Variants in CCT2 observed in about 807,000 individuals in gnomAD.
CCT2 encodes the protein chaperonin containing TCP1 subunit 2.
CCT2 carries 18 observed loss-of-function variants against 61.8 expected under a neutral mutation model. The observed-to-expected ratio is 0.29, with a 90% confidence interval of 0.20 to 0.43. The LOEUF is 0.43. Ranked by LOEUF, CCT2 falls within the 20% of genes least tolerant of loss-of-function variation. CCT2 has a pLI of 1.00. For missense variants in CCT2, 556 were observed against 656.9 expected, an observed-to-expected ratio of 0.85 and a Z score of 1.68; for synonymous variants, 248 against 215.9, an observed-to-expected ratio of 1.15 and a Z score of -1.30.
Position 69,601,489 on chromosome 12 carries a change from CG to C in CCT2, c.*165del. On this transcript the variant is annotated 3_prime_UTR_variant, in exon 16 of 16. Coordinates refer to ENST00000299300, the MANE Select transcript of CCT2 (RefSeq NM_006431.3). ...TTTAACATAGGTCTAATTTATTTGC[CG>C]TGTCATTTTCCATACAAATCAGTTG... 2 of 1,483,808 alleles carry C rather than the reference CG, an allele frequency of 1.3e-6. No homozygotes were observed. The highest frequency in any genetic ancestry group is 2.7e-5 in the South Asian group (2 of 75,028). The allele number at this position is 1,483,808 out of a possible 1,614,324, so 91.9% of individuals were successfully genotyped here.
In CCT2 at chr12:69,599,984, C is replaced by T. The variant is rs1462836021; in HGVS notation, c.1557C>T (p.Asn519=). ...EAAEVILRVD[N]IIKAAPRKRV... is the part of the protein sequence containing the mutation. The stretch of plus-strand genomic sequence containing the variant: ...CAGAGGTGATTCTGCGTGTGGACAA[C>T]ATCATCAAAGCGGCACCCAGGTACC... The change falls in exon 15 of 16, where the codon AAC becomes AAT. Residue 519 remains asparagine (N), a synonymous_variant. Transcript: ENST00000299300. 6.2e-7 allele frequency: 1 copy of T among 1,612,380 alleles called. No homozygotes were observed. The highest frequency in any genetic ancestry group is 1.7e-5 in the Admixed American group (1 of 59,740).
chr12:69,586,768 G>T lies in CCT2; in HGVS notation c.94G>T (p.Ala32Ser). 1 of 1,599,978 alleles carries T rather than the reference G, an allele frequency of 6.3e-7. No homozygotes were observed. The highest frequency in any genetic ancestry group is 1.1e-5 in the South Asian group (1 of 87,694). The change falls in exon 3 of 16, where the codon GCC becomes TCC. Residue 32 changes from alanine (A) to serine (S), a missense_variant. By Grantham distance (99) the Ala-to-Ser change is moderately conservative (BLOSUM62 1). This residue lies in a region of CCT2 where 308 missense variants were observed against 350.6 expected (regional missense o/e 0.88). Coordinates refer to ENST00000299300, the MANE Select transcript of CCT2 (RefSeq NM_006431.3). The part of the protein sequence containing the change: ...ETARLTSFIG[A>S]IAIGDLVKST... Reference sequence around the variant, plus strand: ...TTTACTCCAGACTTCTTTTATTGGTGCCATCGCCATTGGAGACTTGGTAAA... The same window carrying T: ...TTTACTCCAGACTTCTTTTATTGGTTCCATCGCCATTGGAGACTTGGTAAA...
chr12:69,595,920 T>C (rs192745858), intron 10 of CCT2, among the ~76,000 whole-genome samples: 9 of 152,298 alleles, frequency 5.9e-5, no homozygotes, highest in Admixed American at 5.9e-4. Flanking sequence ...TAAATAAATG[T>C]CTTGCACTGG....
rs1043434 is a variant in CCT2, at chr12:69,593,008, A to G, written c.783A>G (p.Thr261=). The change falls in exon 9 of 16, where the codon ACA becomes ACG. Residue 261 remains threonine, a synonymous_variant. Transcript: ENST00000299300. ...GTTCCCGGGTAAGAGTTGACTCTAC[A>G]GCAAAGGTTGCAGAAATAGAACATG... ...IFGSRVRVDS[T]AKVAEIEHAE... is the part of the protein sequence containing the mutation. 353,822 of 1,612,476 alleles carry G rather than the reference A, an allele frequency of 0.22. 40,161 individuals are homozygous for G. Among genetic ancestry groups the G allele is most frequent in the Middle Eastern group, 0.32 (1,930 of 6,052 alleles).
Position 69,600,085 on chromosome 12 carries a change from A to G in CCT2, c.1577+81A>G. 1.1e-5 allele frequency: 14 copies of G among 1,286,058 alleles called. 1 individual carries two copies. The South Asian group carries it at 2.1e-4, about 20-fold the overall frequency. 79.7% of individuals were successfully genotyped at this position (1,286,058 alleles called of 1,614,324 possible). On this transcript the variant is annotated intron_variant, in intron 15 of 15. Transcript: ENST00000299300. ...TGTATTTATTTTATAATTAGAGTTA[A>G]TGAAAAGCAGAGACAGTTTTGCCTG...
chr12:69,597,549 T>A, intron 11 of CCT2, 89 bp from the exon 12 acceptor site: 2 of 1,370,670 alleles, frequency 1.5e-6, no homozygotes, highest in Non-Finnish European at 2.0e-6. Flanking sequence ...AGGTCAGCTT[T>A]CAGAACCCAG....
chr12:69,591,162 C>T (rs970287248), intron 7 of CCT2, among the ~76,000 whole-genome samples: 1 of 152,214 alleles, frequency 6.6e-6, no homozygotes, highest in East Asian at 1.9e-4. Flanking sequence ...TCATCATGAC[C>T]TGGTGAGTGA....
intron 7 of CCT2, among the ~76,000 whole-genome samples, chr12:69,590,803 G>C (rs73323758): frequency 0.01 from 1,511 of 149,720 alleles, 21 homozygotes; most frequent in African/African-American, 0.036. Context: ...TGCAACCACT[G>C]CCTCCTGAGT....
At chr12:69,593,168 T>C (rs570084885) in intron 9 of CCT2, 65 bp downstream of exon 9, 2 of 1,380,998 alleles carry the variant, frequency 1.4e-6, no homozygotes, top group East Asian at 2.3e-5. Flanking sequence ...TCATATTTAC[T>C]TATATTGAAT....
In CCT2 at chr12:69,601,546, A is replaced by G. The variant is rs10506567; in HGVS notation, c.*221A>G. The G allele has an allele frequency of 5.5e-3, 7,354 of 1,345,164 alleles. 304 individuals are homozygous for G. The African/African-American group carries it at 0.096, about 17-fold the overall frequency. 83.3% of individuals were successfully genotyped at this position (1,345,164 alleles called of 1,614,324 possible). On this transcript the variant is annotated 3_prime_UTR_variant, in exon 16 of 16. Transcript: ENST00000299300. ...AAAAAGTTCATTTCTCATACTGTGCATTAAAATAAAAATTTGAACAATTAC... is the reference window on the plus strand; with the variant it reads ...AAAAAGTTCATTTCTCATACTGTGCGTTAAAATAAAAATTTGAACAATTAC...
chr12:69,589,789 A>G, intron 7 of CCT2, 102 bp downstream of exon 7: 2 of 930,976 alleles, frequency 2.1e-6, no homozygotes, highest in Admixed American at 2.2e-5. Flanking sequence ...AAAGCCAGTG[A>G]ACTTGAATTT....
Position 69,598,052 on chromosome 12 carries a change from A to G in CCT2, c.1316A>G (p.Tyr439Cys). The change falls in exon 13 of 16, where the codon TAT (tyrosine) becomes TGT (cysteine). Residue 439 changes from tyrosine to cysteine, a missense_variant. This residue lies in a region of CCT2 where 225 missense variants were observed against 249.8 expected (regional missense o/e 0.90). Coordinates refer to ENST00000299300, the MANE Select transcript of CCT2 (RefSeq NM_006431.3). ...AAAGAAGCTGTTGCAATGGAGTCTT[A>G]TGCTAAAGCACTGAGAATGGTAAGT... The part of the protein sequence containing the change: ...PGKEAVAMES[Y>C]AKALRMLPTI... The G allele has an allele frequency of 6.2e-7, 1 of 1,611,902 alleles. No individual in the cohort carries two copies. The highest frequency in any genetic ancestry group is 1.3e-5 in the African/African-American group (1 of 75,004).
chr12:69,599,233 G>A (rs1245316552), intron 14 of CCT2, among the ~76,000 whole-genome samples: 5 of 152,022 alleles, frequency 3.3e-5, no homozygotes, highest in African/African-American at 1.2e-4. Flanking sequence ...CTAAAGGCAT[G>A]TGCCACAATG....
intron 8 of CCT2, 170 bp from the exon 9 acceptor site, chr12:69,592,806 T>C: frequency 2.0e-6 from 1 of 511,068 alleles, no homozygotes. Flanking sequence ...CGCACACCTG[T>C]AATCCCAGCT....
At position 69,597,928 on chromosome 12, in the gene CCT2, A is replaced by G. The variant is rs774838438; in HGVS notation, c.1232-40A>G. The G allele has an allele frequency of 3.9e-6, 6 of 1,534,160 alleles. No homozygotes were observed. In the South Asian group the frequency reaches 5.7e-5, roughly 15 times the overall value. ...TCAGTAATTCAGTATCTTGGAGACA[A>G]CTAAGCATTGCAATATTTTATTGGA... On this transcript the variant is annotated intron_variant, in intron 12 of 15. Coordinates refer to ENST00000299300, the MANE Select transcript of CCT2 (RefSeq NM_006431.3).
At chr12:69,592,025 A>G (rs1162130039) in intron 7 of CCT2, 34 bp from the exon 8 acceptor site, 2 of 1,189,566 alleles carry the variant, frequency 1.7e-6, no homozygotes, top group South Asian at 2.5e-5. Flanking sequence ...GCTTTGAAGT[A>G]TTAAATATGA....
chr12:69,593,202 C>T (rs1375093065), intron 9 of CCT2, 99 bp downstream of exon 9: 1 of 1,024,712 alleles, frequency 9.8e-7, no homozygotes, highest in Non-Finnish European at 1.4e-6. Context: ...TAGGAACTGT[C>T]TTAGATAACT....
chr12:69,585,747 C>T (rs558264488), intron 1 of CCT2: 29 of 1,443,902 alleles, frequency 2.0e-5, no homozygotes, highest in Middle Eastern at 5.0e-4. Context: ...CTCCTTGTGC[C>T]TAGGTCTTTG....
In CCT2 at chr12:69,588,282, AC is replaced by A. The variant is rs746786587; in HGVS notation, c.446+21del. On this transcript the variant is annotated intron_variant, in intron 6 of 15. Coordinates refer to ENST00000299300, the MANE Select transcript of CCT2 (RefSeq NM_006431.3). ...TCATGGGTTTGTATAGCAAAGTACT[AC>A]TGTTCTAAACATTTAGTGTTCTTTC... is the stretch of plus-strand genomic sequence containing the variant. 1 of 1,482,190 alleles carries A rather than the reference AC, an allele frequency of 6.7e-7. No homozygotes were observed. Among genetic ancestry groups the A allele is most frequent in the Non-Finnish European group, 9.4e-7 (1 of 1,060,848 alleles). The allele number at this position is 1,482,190 out of a possible 1,614,324, so 91.8% of individuals were successfully genotyped here.
Sources: gnomAD v4.1 joint callset for allele counts (sites outside exome capture counted in the v4.1 genomes callset) on GRCh38, gnomAD v4.1.1 for gene constraint, gnomAD v4.1.1 regional missense constraint, MANE v1.5 for transcripts, NCBI Gene and HGNC (gene_info 2026-07-23, HGNC 2026-07-21) for gene names.